The following ERBIN variants were observed in gnomAD, a reference collection of about 807,000 sequenced individuals.
ERBIN encodes the protein erbb2 interacting protein.
A neutral mutation model predicts 158.4 loss-of-function variants in ERBIN; 60 were observed. The ratio of observed to expected loss-of-function variants is 0.38; its 90% CI spans 0.31 to 0.47. ERBIN has a LOEUF of 0.47. ERBIN is among the 20% of genes least tolerant of loss of function. The probability of loss-of-function intolerance (pLI) is 0.99; values close to 1 mark genes in which losing one functional copy is unlikely to be tolerated. For missense variants in ERBIN, 1,610 were observed against 1,648.0 expected, an observed-to-expected ratio of 0.98 and a Z score of 0.40; for synonymous variants, 594 against 557.2, an observed-to-expected ratio of 1.07 and a Z score of -0.93.
At chr5:65,957,912 C>T (rs184382575) in intron 1 of ERBIN, among the ~76,000 whole-genome samples, 5,758 of 150,566 alleles carry the variant, frequency 0.038, 364 homozygotes, top group African/African-American at 0.13. Flanking sequence ...GGGCGGCTGC[C>T]GGGCGGAGGG....
intron 1 of ERBIN, among the ~76,000 whole-genome samples, chr5:65,942,596 G>A (rs1745189849): frequency 6.6e-6 from 1 of 152,206 alleles, no homozygotes; most frequent in Admixed American, 6.5e-5. Context: ...TATCCTTAAA[G>A]TAGTGTGTAA....
chr5:66,017,170 C>T (rs569285380), intron 7 of ERBIN, among the ~76,000 whole-genome samples: 2 of 152,096 alleles, frequency 1.3e-5, no homozygotes, highest in Admixed American at 6.6e-5. Context: ...TTCAGATAAC[C>T]CTTCAGTGTA....
intron 4 of ERBIN, among the ~76,000 whole-genome samples, chr5:66,005,366 A>G (rs1427099847): frequency 1.3e-5 from 2 of 152,156 alleles, no homozygotes; most frequent in South Asian, 2.1e-4. Context: ...AATAGAAAAA[A>G]TCAGGAGCTC....
chr5:65,976,504 ATTTC>A (rs1026100319), intron 1 of ERBIN, among the ~76,000 whole-genome samples: 1 of 149,136 alleles, frequency 6.7e-6, no homozygotes, highest in African/African-American at 2.5e-5. Context: ...TGAGAAAGCT[ATTTC>A]TTTTCTTTTT....
At chr5:66,000,129 G>A (rs1752870586) in intron 4 of ERBIN, among the ~76,000 whole-genome samples, 1 of 152,168 alleles carries the variant, frequency 6.6e-6, no homozygotes, top group Admixed American at 6.5e-5. Context: ...TAAGGAAAGG[G>A]ACTCAAGATA....
chr5:65,991,537 T>G (rs890363789), intron 2 of ERBIN, among the ~76,000 whole-genome samples: 1 of 152,212 alleles, frequency 6.6e-6, no homozygotes, highest in South Asian at 2.1e-4. Flanking sequence ...TTGTGTGGTG[T>G]TTGATTTTTT....
At chr5:65,956,191 T>A (rs1186354324) in intron 1 of ERBIN, among the ~76,000 whole-genome samples, 2 of 152,194 alleles carry the variant, frequency 1.3e-5, no homozygotes, top group Non-Finnish European at 2.9e-5. Context: ...GTAGAGTGTC[T>A]ACTGCATTAT....
At chr5:66,068,862 C>A in intron 21 of ERBIN, 2 of 1,494,056 alleles carry the variant, frequency 1.3e-6, no homozygotes, top group East Asian at 4.9e-5. Flanking sequence ...TTAAATCTAT[C>A]CCCTCTTTAT....
At chr5:66,056,842 T>G (rs375682409) in intron 21 of ERBIN, among the ~76,000 whole-genome samples, 1 of 151,988 alleles carries the variant, frequency 6.6e-6, no homozygotes, top group Non-Finnish European at 1.5e-5. Context: ...TTGACTACAC[T>G]GTAGTATCTT....
At chr5:66,059,491 A>G (rs907700714) in intron 21 of ERBIN, among the ~76,000 whole-genome samples, 5 of 152,196 alleles carry the variant, frequency 3.3e-5, no homozygotes, top group Admixed American at 3.3e-4. Flanking sequence ...AAACAGGGAC[A>G]ATTTGACTTC....
intron 1 of ERBIN, among the ~76,000 whole-genome samples, chr5:65,938,131 C>G (rs1360904714): frequency 6.6e-6 from 1 of 151,936 alleles, no homozygotes; most frequent in Non-Finnish European, 1.5e-5. Context: ...TTTTAAGAAA[C>G]CATATATTTT....
At chr5:66,007,889 A>G (rs909352728) in intron 4 of ERBIN, among the ~76,000 whole-genome samples, 5 of 152,210 alleles carry the variant, frequency 3.3e-5, no homozygotes, top group African/African-American at 1.2e-4. Context: ...GGAACTGGAG[A>G]TACAGATTTA....
At chr5:66,059,168 A>T (rs183977811) in intron 21 of ERBIN, among the ~76,000 whole-genome samples, 2,643 of 152,328 alleles carry the variant, frequency 0.017, 76 homozygotes, top group African/African-American at 0.059. Flanking sequence ...CCTACCCATG[A>T]GTATGAGATG....
At chr5:65,966,984 A>ATCC (rs1354383699) in intron 1 of ERBIN, among the ~76,000 whole-genome samples, 6 of 152,170 alleles carry the variant, frequency 3.9e-5, no homozygotes, top group Non-Finnish European at 5.9e-5. Context: ...AAATAAGGAT[A>ATCC]TAGGAGCTGG....
intron 15 of ERBIN, among the ~76,000 whole-genome samples, chr5:66,042,366 T>G (rs1242498559): frequency 1.3e-5 from 2 of 152,120 alleles, no homozygotes; most frequent in Non-Finnish European, 2.9e-5. Context: ...AATCTTTGCT[T>G]TTGATATTAC....
At chr5:65,975,367 G>T (rs1403116397) in intron 1 of ERBIN, among the ~76,000 whole-genome samples, 1 of 152,030 alleles carries the variant, frequency 6.6e-6, no homozygotes, top group African/African-American at 2.4e-5. Flanking sequence ...GTACAGTGGC[G>T]CAATCTCGGC....
chr5:65,981,163 TAAGG>T (rs1750615495), intron 1 of ERBIN, among the ~76,000 whole-genome samples: 1 of 152,178 alleles, frequency 6.6e-6, no homozygotes, highest in Non-Finnish European at 1.5e-5. Flanking sequence ...ATTTTGAAAT[TAAGG>T]AAGTCAATTT....
At position 66,053,930 on chromosome 5, in the gene ERBIN, A is replaced by G; in HGVS notation, c.2612A>G (p.His871Arg). ...CCAGTTGGATCTGTTGTGAAATCTCATAGCATAACTAATATGGAGATTGGA... is the reference window on the plus strand; with the variant it reads ...CCAGTTGGATCTGTTGTGAAATCTCGTAGCATAACTAATATGGAGATTGGA... Reference protein sequence around the residue: ...SGPVGSVVKSHSITNMEIGGL... With the variant: ...SGPVGSVVKSRSITNMEIGGL... Residue 871 changes from histidine to arginine, a missense_variant, in exon 21 of 26, where the codon CAT (histidine) becomes CGT (arginine). Physicochemically the swap from His to Arg is conservative, Grantham distance 29. This residue lies in a region of ERBIN where 1,014 missense variants were observed against 936.1 expected (regional missense o/e 1.08). Transcript: ENST00000284037. 2.5e-6 allele frequency: 4 copies of G among 1,613,038 alleles called. No individual in the cohort carries two copies. The highest frequency in any genetic ancestry group is 3.4e-6 in the Non-Finnish European group (4 of 1,179,036).
chr5:65,929,637 C>CTTTTTTTT (rs762687200), intron 1 of ERBIN, among the ~76,000 whole-genome samples: 1 of 121,664 alleles, frequency 8.2e-6, no homozygotes, highest in Non-Finnish European at 1.7e-5. Flanking sequence ...GTCTTTTCCT[C>CTTTTTTTT]TTTTTTTTTT....
Sources: gnomAD v4.1 joint callset for allele counts (sites outside exome capture counted in the v4.1 genomes callset) on GRCh38, gnomAD v4.1.1 for gene constraint, gnomAD v4.1.1 regional missense constraint, MANE v1.5 for transcripts, NCBI Gene and HGNC (gene_info 2026-07-23, HGNC 2026-07-21) for gene names.